FANK1: variants seen among roughly 807,000 people sequenced by gnomAD.
FANK1 encodes the protein fibronectin type 3 and ankyrin repeat domains protein 1.
A neutral mutation model predicts 45.3 loss-of-function variants in FANK1; 44 were observed. The ratio of observed to expected loss-of-function variants is 0.97; its 90% CI spans 0.76 to 1.25. The LOEUF is 1.25. FANK1 is among the 50% of genes most tolerant of loss of function. The pLI is 0.00. For missense variants in FANK1, 391 were observed against 424.4 expected, an observed-to-expected ratio of 0.92 and a Z score of 0.69; for synonymous variants, 149 against 152.5, an observed-to-expected ratio of 0.98 and a Z score of 0.17.
At chr10:125,941,262 C>T (rs6597728) in intron 1 of FANK1, among the ~76,000 whole-genome samples, 115,917 of 152,072 alleles carry the variant, frequency 0.76, 44,529 homozygotes, top group South Asian at 0.79. Context: ...AGTGAAAAAA[C>T]AAGCAACATA....
intron 1 of FANK1, among the ~76,000 whole-genome samples, chr10:125,963,002 T>C (rs962816358): frequency 2.1e-5 from 3 of 144,810 alleles, no homozygotes; most frequent in African/African-American, 7.6e-5. Context: ...TTTTTTTTTT[T>C]CAGATGGAGT....
chr10:125,958,562 C>T (rs976330724), intron 1 of FANK1, among the ~76,000 whole-genome samples: 2 of 152,108 alleles, frequency 1.3e-5, no homozygotes, highest in East Asian at 1.9e-4. Context: ...GAGGAACCTC[C>T]ATACTGTTTT....
intron 1 of FANK1, among the ~76,000 whole-genome samples, chr10:125,946,868 G>A (rs1948838451): frequency 6.9e-6 from 1 of 144,814 alleles, no homozygotes; most frequent in Non-Finnish European, 1.5e-5. Flanking sequence ...AGAGAGAAAG[G>A]TCGGGTTACC....
chr10:126,005,118 G>A (rs1590254504), intron 7 of FANK1, 69 bp downstream of exon 7: 1 of 1,522,438 alleles, frequency 6.6e-7, no homozygotes, highest in Non-Finnish European at 8.9e-7. Flanking sequence ...ATGGGGTCTG[G>A]CAGAAGCAGG....
chr10:125,955,465 T>A (rs1433595159), intron 1 of FANK1, among the ~76,000 whole-genome samples: 4 of 152,116 alleles, frequency 2.6e-5, no homozygotes, highest in African/African-American at 9.7e-5. Context: ...AGTTGTAACA[T>A]CAAAGTTGAT....
intron 1 of FANK1, among the ~76,000 whole-genome samples, chr10:125,948,492 C>G (rs2134162924): frequency 6.6e-6 from 1 of 152,284 alleles, no homozygotes; most frequent in East Asian, 1.9e-4. Context: ...CACCTCTACG[C>G]AAATAAATTA....
At chr10:125,981,194 A>G (rs2134202539) in intron 2 of FANK1, among the ~76,000 whole-genome samples, 1 of 152,270 alleles carries the variant, frequency 6.6e-6, no homozygotes, top group Non-Finnish European at 1.5e-5. Context: ...GCATGAACCA[A>G]TACCACCAGG....
rs145182884 is a variant in FANK1 at position 125,934,724 on chromosome 10, G to GTT, written c.13+38105_13+38106dup. Among the ~76,000 whole-genome samples the GTT allele has an allele frequency of 7.6e-5, 2 of 26,456 alleles. 1 individual carries two copies. The highest frequency in any genetic ancestry group is 1.5e-4 in the Non-Finnish European group (2 of 13,640). 17.4% of individuals were successfully genotyped at this position (26,456 alleles called of 152,430 possible). Reference sequence around the variant, plus strand: ...AGTTCCCACCACCTGTACCCCTACCGTTTTTTTTTTTTTTTTTTTTTTTTT... The same window carrying GTT: ...AGTTCCCACCACCTGTACCCCTACCGTTTTTTTTTTTTTTTTTTTTTTTTTTT... On this transcript the variant is annotated intron_variant, in intron 1 of 10. Transcript: ENST00000368693.
intron 1 of FANK1, among the ~76,000 whole-genome samples, chr10:125,909,614 A>G (rs1389369134): frequency 6.6e-6 from 1 of 150,618 alleles, no homozygotes; most frequent in Non-Finnish European, 1.5e-5. Flanking sequence ...ACTGAGCTCA[A>G]GTGATCCAAT....
At chr10:125,970,759 C>T (rs1026547704) in intron 1 of FANK1, among the ~76,000 whole-genome samples, 1 of 152,120 alleles carries the variant, frequency 6.6e-6, no homozygotes, top group Non-Finnish European at 1.5e-5. Flanking sequence ...GCCGAGATCG[C>T]GGCAGTACAG....
chr10:125,945,793 G>A (rs1948751467), intron 1 of FANK1, among the ~76,000 whole-genome samples: 1 of 152,210 alleles, frequency 6.6e-6, no homozygotes, highest in Non-Finnish European at 1.5e-5. Context: ...CCACCTCTGG[G>A]GGCAGGGCAC....
intron 6 of FANK1, among the ~76,000 whole-genome samples, chr10:126,000,585 G>A (rs1952682352): frequency 2.0e-5 from 3 of 151,838 alleles, no homozygotes; most frequent in Admixed American, 1.3e-4. Flanking sequence ...GATGAATTAA[G>A]AATTAAATGT....
chr10:125,959,952 CA>C (rs1949815742), intron 1 of FANK1, among the ~76,000 whole-genome samples: 1 of 151,918 alleles, frequency 6.6e-6, no homozygotes, highest in Non-Finnish European at 1.5e-5. Context: ...AGCACTTCAC[CA>C]AAAACAAACA....
chr10:125,961,153 C>T (rs188430952), intron 1 of FANK1, among the ~76,000 whole-genome samples: 191 of 152,298 alleles, frequency 1.3e-3, no homozygotes, highest in Non-Finnish European at 2.1e-3. Context: ...ATCTCCCAGG[C>T]TGGAGTGCAA....
intron 1 of FANK1, among the ~76,000 whole-genome samples, chr10:125,920,476 G>T (rs1186259934): frequency 3.9e-5 from 6 of 152,128 alleles, no homozygotes; most frequent in Non-Finnish European, 7.3e-5. Flanking sequence ...TTTCTAAATT[G>T]AAAAACTTCT....
chr10:125,989,940 A>G (rs1373327737), intron 3 of FANK1, among the ~76,000 whole-genome samples: 2 of 151,998 alleles, frequency 1.3e-5, no homozygotes, highest in African/African-American at 4.8e-5. Flanking sequence ...GCTCCCTCCC[A>G]TCCTCTTGCT....
intron 1 of FANK1, among the ~76,000 whole-genome samples, chr10:125,911,130 A>G (rs1320414601): frequency 6.6e-6 from 1 of 152,100 alleles, no homozygotes; most frequent in African/African-American, 2.4e-5. Flanking sequence ...GGATTGTGAG[A>G]TGGGCAGAGG....
intron 1 of FANK1, among the ~76,000 whole-genome samples, chr10:125,901,486 A>G (rs1945031950): frequency 6.6e-6 from 1 of 152,126 alleles, no homozygotes; most frequent in Non-Finnish European, 1.5e-5. Context: ...CTCCTGCCAA[A>G]AGCCCTCCAA....
At chr10:125,944,616 A>G (rs1444746391) in intron 1 of FANK1, among the ~76,000 whole-genome samples, 1 of 152,222 alleles carries the variant, frequency 6.6e-6, no homozygotes, top group Non-Finnish European at 1.5e-5. Context: ...TTGTGGGTTT[A>G]CAGGAATGAG....
Sources: gnomAD v4.1 joint callset for allele counts (sites outside exome capture counted in the v4.1 genomes callset) on GRCh38, gnomAD v4.1.1 for gene constraint, MANE v1.5 for transcripts, NCBI Gene and HGNC (gene_info 2026-07-23, HGNC 2026-07-21) for gene names.